The following NMNAT2 variants were observed in gnomAD, a reference collection of about 807,000 sequenced individuals.
NMNAT2 encodes the protein nicotinamide/nicotinic acid mononucleotide adenylyltransferase 2.
NMNAT2 carries 11 observed loss-of-function variants against 41.6 expected under a neutral mutation model. The observed-to-expected ratio is 0.26, with a 90% CI of 0.17 to 0.44. The LOEUF (loss-of-function observed/expected upper bound fraction) is 0.44. Among genes scored for constraint, NMNAT2 ranks in the 20% least tolerant of loss-of-function variants. The pLI is 1.00. For missense variants in NMNAT2, 288 were observed against 407.7 expected (o/e 0.71, Z 2.53); for synonymous variants, 148 against 151.2 (o/e 0.98, Z 0.16).
chr1:183,375,195 A>G (rs1378394422), intron 1 of NMNAT2, among the ~76,000 whole-genome samples: 3 of 152,208 alleles, frequency 2.0e-5, no homozygotes, highest in Non-Finnish European at 4.4e-5. Flanking sequence ...CTCCCTATTC[A>G]GAATTCTTCA....
Position 183,262,991 on chromosome 1 carries a change from C to T in NMNAT2, c.652-1688G>A, listed in dbSNP as rs911866253. The stretch of plus-strand genomic sequence containing the variant: ...ATACTGGGGCACGGTGGCCCCTTCT[C>T]TCCAGAGGATTTCTATACCAGCAGA... On this transcript the variant is annotated intron_variant, in intron 8 of 10. Transcript: ENST00000287713. 3.3e-5 allele frequency among the ~76,000 whole-genome samples: 5 copies of T among 152,224 alleles called. 1 individual carries two copies. The highest frequency in any genetic ancestry group is 9.6e-5 in the African/African-American group (4 of 41,454).
At chr1:183,277,319 C>T (rs1470977024) in intron 8 of NMNAT2, among the ~76,000 whole-genome samples, 1 of 151,908 alleles carries the variant, frequency 6.6e-6, no homozygotes, top group Non-Finnish European at 1.5e-5. Flanking sequence ...TCTGTCTCTA[C>T]TAAAAATACA....
intron 1 of NMNAT2, among the ~76,000 whole-genome samples, chr1:183,325,676 T>C (rs1486876553): frequency 6.6e-6 from 1 of 152,210 alleles, no homozygotes; most frequent in East Asian, 1.9e-4. Flanking sequence ...ATAAGTCTGT[T>C]TTTCCTGTTT....
chr1:183,386,177 T>C (rs1648236359), intron 1 of NMNAT2, among the ~76,000 whole-genome samples: 1 of 152,124 alleles, frequency 6.6e-6, no homozygotes, highest in Non-Finnish European at 1.5e-5. Flanking sequence ...TAAACAAAAA[T>C]TATATCCACT....
At chr1:183,373,841 C>A (rs1663610450) in intron 1 of NMNAT2, among the ~76,000 whole-genome samples, 1 of 152,146 alleles carries the variant, frequency 6.6e-6, no homozygotes, top group Non-Finnish European at 1.5e-5. Flanking sequence ...TGGTCTCAAA[C>A]TTGTGACCTC....
chr1:183,374,471 T>TGTG (rs1318186918), intron 1 of NMNAT2, among the ~76,000 whole-genome samples: 2 of 152,234 alleles, frequency 1.3e-5, no homozygotes, highest in Non-Finnish European at 2.9e-5. Flanking sequence ...CAGAAGGGGC[T>TGTG]GTGATTCACA....
intron 8 of NMNAT2, among the ~76,000 whole-genome samples, chr1:183,263,589 C>A (rs758394853): frequency 6.6e-6 from 1 of 152,142 alleles, no homozygotes; most frequent in Non-Finnish European, 1.5e-5. Flanking sequence ...GAGGCCAAGG[C>A]GGGTGGATCA....
chr1:183,317,244 C>T (rs1008366754), intron 1 of NMNAT2, among the ~76,000 whole-genome samples: 2 of 152,182 alleles, frequency 1.3e-5, no homozygotes, highest in Admixed American at 6.5e-5. Context: ...TATTTCAGCC[C>T]ACATCCTCCA....
At chr1:183,393,100 T>C in intron 1 of NMNAT2, among the ~76,000 whole-genome samples, 1 of 152,224 alleles carries the variant, frequency 6.6e-6, no homozygotes, top group Middle Eastern at 3.2e-3. Flanking sequence ...GGAGATCACA[T>C]GATCCCTAGC....
At position 183,349,731 on chromosome 1, in the gene NMNAT2, G is replaced by A. The variant is rs138035418; in HGVS notation, c.86-55938C>T. 3.9e-4 allele frequency among the ~76,000 whole-genome samples: 60 copies of A among 152,350 alleles called. 2 individuals carry two copies. The East Asian group carries it at 0.011, about 27-fold the overall frequency. Reference sequence around the variant, plus strand: ...AGGAGAGATTTCCTATCTGCGTGGTGTAAGGAGGGCAGGAGATTTCCAGAG... The same window carrying A: ...AGGAGAGATTTCCTATCTGCGTGGTATAAGGAGGGCAGGAGATTTCCAGAG... On this transcript the variant is annotated intron_variant, in intron 1 of 10. Transcript: ENST00000287713.
intron 1 of NMNAT2, among the ~76,000 whole-genome samples, chr1:183,410,013 A>C (rs1649071097): frequency 6.6e-6 from 1 of 152,178 alleles, no homozygotes; most frequent in East Asian, 1.9e-4. Context: ...CATTTCAGAA[A>C]ATAATAAAAT....
chr1:183,337,569 C>CAAAAAAAAA (rs71127343), intron 1 of NMNAT2, among the ~76,000 whole-genome samples: 3 of 100,632 alleles, frequency 3.0e-5, no homozygotes, highest in Admixed American at 1.1e-4. Flanking sequence ...CTCTCCACAG[C>CAAAAAAAAA]AAAAAAAAAA....
intron 1 of NMNAT2, among the ~76,000 whole-genome samples, chr1:183,388,234 A>G (rs981477791): frequency 1.3e-5 from 2 of 152,240 alleles, no homozygotes; most frequent in African/African-American, 2.4e-5. Flanking sequence ...AAGATGAGCC[A>G]TGAGCAGGAA....
intron 1 of NMNAT2, among the ~76,000 whole-genome samples, chr1:183,404,720 G>A (rs1648906971): frequency 6.6e-6 from 1 of 152,194 alleles, no homozygotes; most frequent in Non-Finnish European, 1.5e-5. Flanking sequence ...ATGCTTTAAA[G>A]GCAATGCCAA....
chr1:183,374,400 T>C (rs1663628155), intron 1 of NMNAT2, among the ~76,000 whole-genome samples: 1 of 152,160 alleles, frequency 6.6e-6, no homozygotes, highest in East Asian at 1.9e-4. Flanking sequence ...GAAGAGCCTT[T>C]CTCTCCCCAC....
chr1:183,286,833 A>G (rs1196006797), intron 4 of NMNAT2, 45 bp from the exon 5 acceptor site: 2 of 1,578,836 alleles, frequency 1.3e-6, no homozygotes, highest in Admixed American at 1.8e-5. Flanking sequence ...GACTTTGAGA[A>G]TCGTTTCAAA....
chr1:183,379,265 CA>C (rs1054466186), intron 1 of NMNAT2, among the ~76,000 whole-genome samples: 6 of 152,238 alleles, frequency 3.9e-5, no homozygotes, highest in Admixed American at 3.9e-4. Flanking sequence ...ATTGCAGCCT[CA>C]ACCTCCTGGG....
At chr1:183,287,653 GA>G (rs1421173320) in intron 4 of NMNAT2, among the ~76,000 whole-genome samples, 3 of 152,338 alleles carry the variant, frequency 2.0e-5, no homozygotes, top group Non-Finnish European at 2.9e-5. Context: ...GGGCAACAGA[GA>G]AACAAAGGAC....
At chr1:183,278,119 C>G (rs1197149732) in intron 8 of NMNAT2, among the ~76,000 whole-genome samples, 1 of 152,220 alleles carries the variant, frequency 6.6e-6, no homozygotes, top group African/African-American at 2.4e-5. Context: ...TGACCTCTTG[C>G]CATGAACTTC....
Sources: allele counts gnomAD v4.1 joint callset (sites outside exome capture counted in the v4.1 genomes callset), GRCh38; gene constraint gnomAD v4.1.1; transcripts MANE v1.5; gene names NCBI Gene and HGNC (gene_info 2026-07-23, HGNC 2026-07-21).